The following HTR1E variants were observed in gnomAD, a reference collection of about 807,000 sequenced individuals.
HTR1E encodes 5-hydroxytryptamine receptor 1E, also known as 5-HT-1E.
HTR1E carries 3 observed loss-of-function variants against 3.4 expected under a neutral mutation model. That is an observed-to-expected ratio of 0.89 (90% CI 0.41 to 2.31). The LOEUF (loss-of-function observed/expected upper bound fraction) is 2.31. HTR1E is among the 30% of genes most tolerant of loss of function. HTR1E has a pLI of 0.05. For synonymous variants in HTR1E, 170 were observed against 182.8 expected (o/e 0.93, Z 0.56); for missense variants, 392 against 467.0 (o/e 0.84, Z 1.48).
At chr6:87,008,740 A>C (rs541655772) in intron 1 of HTR1E, among the ~76,000 whole-genome samples, 29 of 152,342 alleles carry the variant, frequency 1.9e-4, no homozygotes, top group African/African-American at 7.0e-4. Context: ...AGGCTGAATT[A>C]TTATTTACAT....
intron 1 of HTR1E, among the ~76,000 whole-genome samples, chr6:86,973,908 A>G (rs965208233): frequency 6.6e-6 from 1 of 152,012 alleles, no homozygotes; most frequent in Non-Finnish European, 1.5e-5. Context: ...ATCAGTTTCT[A>G]TTTTCTGAGG....
intron 1 of HTR1E, among the ~76,000 whole-genome samples, chr6:86,967,795 T>C (rs569215024): frequency 1.1e-4 from 17 of 152,196 alleles, no homozygotes; most frequent in Non-Finnish European, 2.1e-4. Context: ...TCTCATTATA[T>C]AACTTGGCAT....
chr6:86,993,217 AC>A (rs1371227504), intron 1 of HTR1E, among the ~76,000 whole-genome samples: 9 of 152,280 alleles, frequency 5.9e-5, no homozygotes, highest in Admixed American at 5.9e-4. Flanking sequence ...AACTCTCTGT[AC>A]TATCTTTACA....
intron 1 of HTR1E, among the ~76,000 whole-genome samples, chr6:86,971,421 A>G (rs987054465): frequency 6.6e-6 from 1 of 152,212 alleles, no homozygotes; most frequent in African/African-American, 2.4e-5. Flanking sequence ...CATCATGGAT[A>G]TGAGCAATTA....
intron 1 of HTR1E, among the ~76,000 whole-genome samples, chr6:86,990,103 T>C (rs1767852040): frequency 6.6e-6 from 1 of 152,200 alleles, no homozygotes; most frequent in Non-Finnish European, 1.5e-5. Context: ...CATGTTGCAC[T>C]ACAAAAGATT....
At chr6:86,996,101 C>T (rs1022697034) in intron 1 of HTR1E, among the ~76,000 whole-genome samples, 6 of 152,006 alleles carry the variant, frequency 3.9e-5, no homozygotes, top group African/African-American at 1.2e-4. Flanking sequence ...TAAAGGAAAC[C>T]AAAAATACCA....
chr6:86,952,432 T>C (rs1767257891), intron 1 of HTR1E, among the ~76,000 whole-genome samples: 1 of 152,114 alleles, frequency 6.6e-6, no homozygotes, highest in African/African-American at 2.4e-5. Context: ...AAGGGGGATC[T>C]GTGTTGTACA....
chr6:87,008,219 T>C (rs1297414542), intron 1 of HTR1E, among the ~76,000 whole-genome samples: 2 of 152,120 alleles, frequency 1.3e-5, no homozygotes, highest in Non-Finnish European at 2.9e-5. Context: ...CACGCTGCAG[T>C]ATCTCCTCTA....
intron 1 of HTR1E, among the ~76,000 whole-genome samples, chr6:86,975,085 G>A (rs1767611699): frequency 6.6e-6 from 1 of 152,184 alleles, no homozygotes; most frequent in African/African-American, 2.4e-5. Flanking sequence ...CTGCTCCGAA[G>A]ACTGCTCAGT....
At chr6:86,980,260 G>A (rs568211896) in intron 1 of HTR1E, among the ~76,000 whole-genome samples, 8 of 151,932 alleles carry the variant, frequency 5.3e-5, no homozygotes, top group East Asian at 1.9e-4. Flanking sequence ...GGTGGCGGGC[G>A]CCTGTAGTCC....
intron 1 of HTR1E, among the ~76,000 whole-genome samples, chr6:87,012,390 C>G (rs113821981): frequency 8.6e-5 from 13 of 152,038 alleles, no homozygotes; most frequent in Non-Finnish European, 1.9e-4. Flanking sequence ...ATACCAGAGC[C>G]TACATGAGGG....
chr6:87,015,415 G>A lies in HTR1E; in HGVS notation c.81G>A (p.Met27Ile). ...TCACTGAGAAGATGCTCATTTGCAT[G>A]ACTCTGGTGGTCATCACCACCCTCA... ...KTITEKMLIC[M>I]TLVVITTLTT... Residue 27 changes from methionine (M) to isoleucine (I), a missense_variant, in exon 2 of 2, where the codon ATG becomes ATA. By Grantham distance (10) the Met-to-Ile change is conservative. Around this residue, in one of 3 missense-constraint regions of HTR1E, gnomAD observed 189 missense variants for 258.0 expected, o/e 0.73. Coordinates refer to ENST00000305344, the MANE Select transcript of HTR1E (RefSeq NM_000865.3). 6.2e-7 allele frequency: 1 copy of A among 1,612,732 alleles called. No homozygotes were observed. Among genetic ancestry groups the A allele is most frequent in the Non-Finnish European group, 8.5e-7 (1 of 1,179,098 alleles).
At chr6:86,963,232 T>A (rs1377186192) in intron 1 of HTR1E, among the ~76,000 whole-genome samples, 1 of 152,108 alleles carries the variant, frequency 6.6e-6, no homozygotes, top group Non-Finnish European at 1.5e-5. Flanking sequence ...AAAATTTACA[T>A]AGGAAAAAGC....
chr6:87,012,439 T>C (rs1156535079), intron 1 of HTR1E, among the ~76,000 whole-genome samples: 2 of 152,124 alleles, frequency 1.3e-5, no homozygotes, highest in Admixed American at 6.5e-5. Context: ...AAAACTACCT[T>C]TTGGGTACTA....
At position 86,963,421 on chromosome 6, in the gene HTR1E, A is replaced by C. The variant is rs553993718; in HGVS notation, c.-186+25598A>C. Among the ~76,000 whole-genome samples, 15 of 152,324 alleles carry C rather than the reference A, an allele frequency of 9.8e-5. No individual in the cohort carries two copies. In the South Asian group the frequency reaches 3.1e-3, roughly 32 times the overall value. On this transcript the variant is annotated intron_variant, in intron 1 of 1. Coordinates refer to ENST00000305344, the MANE Select transcript of HTR1E (RefSeq NM_000865.3). Reference sequence around the variant, plus strand: ...AAAGTAAAAATGTTACAATGAGCTAAGTTTAATTTATAATTGAAGAAAAGA... The same window carrying C: ...AAAGTAAAAATGTTACAATGAGCTACGTTTAATTTATAATTGAAGAAAAGA...
intron 1 of HTR1E, among the ~76,000 whole-genome samples, chr6:86,949,395 A>G (rs1015909659): frequency 3.9e-5 from 6 of 152,224 alleles, no homozygotes; most frequent in African/African-American, 1.4e-4. Flanking sequence ...GAAGGCAGAA[A>G]GAAAATGCAG....
At chr6:86,949,776 T>C (rs1767200736) in intron 1 of HTR1E, among the ~76,000 whole-genome samples, 1 of 152,218 alleles carries the variant, frequency 6.6e-6, no homozygotes, top group Admixed American at 6.5e-5. Flanking sequence ...TAATTTCTAC[T>C]TTAACAAGTA....
At chr6:86,958,894 AATGT>A (rs1291893669) in intron 1 of HTR1E, among the ~76,000 whole-genome samples, 4 of 151,842 alleles carry the variant, frequency 2.6e-5, no homozygotes, top group African/African-American at 9.7e-5. Flanking sequence ...AGCATAAGAC[AATGT>A]ATTAATCAGG....
At chr6:86,981,801 GA>G (rs1767715423) in intron 1 of HTR1E, among the ~76,000 whole-genome samples, 2 of 152,226 alleles carry the variant, frequency 1.3e-5, no homozygotes, top group African/African-American at 4.8e-5. Context: ...ATTAACCAAA[GA>G]CACTACCTAG....
Sources: gnomAD v4.1 joint callset for allele counts (sites outside exome capture counted in the v4.1 genomes callset) on GRCh38, gnomAD v4.1.1 for gene constraint, gnomAD v4.1.1 regional missense constraint, MANE v1.5 for transcripts, NCBI Gene and HGNC (gene_info 2026-07-23, HGNC 2026-07-21) for gene names.